Variants in CNNM2 observed in about 807,000 individuals in gnomAD.
CNNM2 encodes the protein metal transporter CNNM2.
Under a neutral mutation model 66.9 loss-of-function variants are expected in CNNM2, and 12 were observed. That is an observed-to-expected ratio of 0.18 (90% CI 0.11 to 0.29). The LOEUF (loss-of-function observed/expected upper bound fraction) is 0.29, where lower values mean the gene tolerates loss of function less well. Ranked by LOEUF, CNNM2 falls within the 10% of genes least tolerant of loss-of-function variation. CNNM2 has a pLI of 1.00. For synonymous variants in CNNM2, 557 were observed against 501.8 expected (o/e 1.11, Z -1.47); for missense variants, 705 against 1,167.7 (o/e 0.60, Z 5.77).
chr10:102,976,567 T>C (rs1488857225), intron 1 of CNNM2, among the ~76,000 whole-genome samples: 1 of 147,728 alleles, frequency 6.8e-6, no homozygotes, highest in Non-Finnish European at 1.5e-5. Context: ...TGCCTCACCC[T>C]CATGAGTAGC....
At chr10:103,061,947 GC>G (rs2065393099) in intron 4 of CNNM2, among the ~76,000 whole-genome samples, 1 of 152,164 alleles carries the variant, frequency 6.6e-6, no homozygotes, top group South Asian at 2.1e-4. Context: ...GGAAACAGAT[GC>G]CCCATCCCCT....
intron 1 of CNNM2, among the ~76,000 whole-genome samples, chr10:102,959,307 G>A (rs1485165654): frequency 6.6e-6 from 1 of 152,138 alleles, no homozygotes; most frequent in Non-Finnish European, 1.5e-5. Context: ...TATTCAGGAG[G>A]GATTCTCAAG....
At chr10:102,992,003 A>G (rs756170229) in intron 1 of CNNM2, among the ~76,000 whole-genome samples, 5 of 152,140 alleles carry the variant, frequency 3.3e-5, no homozygotes, top group Admixed American at 1.3e-4. Flanking sequence ...CTCTATATAC[A>G]TTTGCATTTA....
chr10:103,000,882 A>T (rs1209978779), intron 1 of CNNM2, among the ~76,000 whole-genome samples: 3 of 152,176 alleles, frequency 2.0e-5, no homozygotes, highest in African/African-American at 7.2e-5. Flanking sequence ...CCTGGCCTGT[A>T]CACCATGTTT....
At chr10:102,940,807 C>T (rs559804079) in intron 1 of CNNM2, among the ~76,000 whole-genome samples, 1 of 152,124 alleles carries the variant, frequency 6.6e-6, no homozygotes, top group South Asian at 2.1e-4. Context: ...CTGAAACCTC[C>T]ACCTCCAGGG....
At chr10:102,955,272 T>C (rs1846992222) in intron 1 of CNNM2, among the ~76,000 whole-genome samples, 1 of 152,144 alleles carries the variant, frequency 6.6e-6, no homozygotes, top group African/African-American at 2.4e-5. Context: ...AAGCAAGAAA[T>C]GGGGAAGGGA....
chr10:102,945,440 C>T (rs1203731538), intron 1 of CNNM2, among the ~76,000 whole-genome samples: 1 of 152,038 alleles, frequency 6.6e-6, no homozygotes, highest in Non-Finnish European at 1.5e-5. Context: ...TAGAGTATAA[C>T]TTTTTTGCAA....
intron 1 of CNNM2, among the ~76,000 whole-genome samples, chr10:102,954,478 G>A (rs139457839): frequency 1.3e-4 from 20 of 152,258 alleles, no homozygotes; most frequent in African/African-American, 4.6e-4. Flanking sequence ...ATTAATAAAT[G>A]TAAGATGATG....
intron 1 of CNNM2, among the ~76,000 whole-genome samples, chr10:102,950,868 C>T (rs1374674685): frequency 6.6e-6 from 1 of 151,678 alleles, no homozygotes; most frequent in African/African-American, 2.4e-5. Flanking sequence ...ATTTGTTTTA[C>T]AGAAGCTACA....
chr10:103,015,332 T>C lies in CNNM2; in HGVS notation c.1622-34375T>C, dbSNP rs147288438. On this transcript the variant is annotated intron_variant, in intron 1 of 7. Coordinates refer to ENST00000369878, the MANE Select transcript of CNNM2 (RefSeq NM_017649.5). ...GCCTGTACCTCTTGTGCTTACCCAA[T>C]TTTTGACCACAATCTCTTACCTGCT... Among the ~76,000 whole-genome samples the C allele has an allele frequency of 7.2e-5, 11 of 152,318 alleles. No individual in the cohort carries two copies. The East Asian group carries it at 1.9e-3, about 27-fold the overall frequency.
At chr10:102,929,964 A>G (rs1348216025) in intron 1 of CNNM2, among the ~76,000 whole-genome samples, 2 of 152,238 alleles carry the variant, frequency 1.3e-5, no homozygotes, top group African/African-American at 2.4e-5. Flanking sequence ...GTGTAAATTT[A>G]TAATGATTTT....
chr10:103,035,198 C>T (rs191653951), intron 1 of CNNM2, among the ~76,000 whole-genome samples: 5 of 152,062 alleles, frequency 3.3e-5, no homozygotes, highest in Admixed American at 6.5e-5. Flanking sequence ...CTGGTCAGTC[C>T]TCGTTTATCA....
intron 1 of CNNM2, among the ~76,000 whole-genome samples, chr10:102,931,392 T>C (rs1360070323): frequency 6.6e-6 from 1 of 150,890 alleles, no homozygotes; most frequent in African/African-American, 2.4e-5. Context: ...GTTTCACTCT[T>C]GTTGCCCAGG....
intron 1 of CNNM2, among the ~76,000 whole-genome samples, chr10:102,998,504 A>G (rs2064045871): frequency 6.6e-6 from 1 of 152,236 alleles, no homozygotes; most frequent in South Asian, 2.1e-4. Context: ...AGGAACTAGA[A>G]AAACACAGGC....
chr10:103,002,857 T>C (rs1472271401), intron 1 of CNNM2, among the ~76,000 whole-genome samples: 2 of 152,156 alleles, frequency 1.3e-5, no homozygotes, highest in East Asian at 1.9e-4. Flanking sequence ...TTACTCCAAA[T>C]GCTAAACATA....
At chr10:102,927,891 G>A (rs1845931300) in intron 1 of CNNM2, among the ~76,000 whole-genome samples, 2 of 152,220 alleles carry the variant, frequency 1.3e-5, no homozygotes, top group Non-Finnish European at 1.5e-5. Flanking sequence ...CATAAACACT[G>A]CTGTAATGGA....
At chr10:103,007,113 T>A (rs759423841) in intron 1 of CNNM2, among the ~76,000 whole-genome samples, 3 of 152,180 alleles carry the variant, frequency 2.0e-5, no homozygotes, top group Non-Finnish European at 2.9e-5. Flanking sequence ...TGACATCACA[T>A]ATCGGTAGGA....
At chr10:102,986,639 G>A (rs2063802305) in intron 1 of CNNM2, among the ~76,000 whole-genome samples, 2 of 151,860 alleles carry the variant, frequency 1.3e-5, no homozygotes, top group African/African-American at 4.8e-5. Context: ...AGTCAGCTGG[G>A]CATGGTGGCA....
At chr10:103,019,843 A>G (rs1307952572) in intron 1 of CNNM2, among the ~76,000 whole-genome samples, 1 of 152,264 alleles carries the variant, frequency 6.6e-6, no homozygotes, top group Non-Finnish European at 1.5e-5. Context: ...CTATATTGAT[A>G]TGAAGAGACT....
Sources: allele counts gnomAD v4.1 joint callset (sites outside exome capture counted in the v4.1 genomes callset), GRCh38; gene constraint gnomAD v4.1.1; transcripts MANE v1.5; gene names NCBI Gene and HGNC (gene_info 2026-07-23, HGNC 2026-07-21).